KIF16B: variants seen among roughly 807,000 people sequenced by gnomAD.
KIF16B encodes kinesin-like protein KIF16B.
Under a neutral mutation model 156.3 loss-of-function variants are expected in KIF16B, and 98 were observed. The ratio of observed to expected loss-of-function variants is 0.63; its 90% CI spans 0.53 to 0.74. The LOEUF is 0.74. KIF16B is among the 30% of genes least tolerant of loss of function. The pLI is 0.00. For missense variants in KIF16B, 1,421 were observed against 1,606.5 expected (o/e 0.88, Z 1.97); for synonymous variants, 564 against 583.7 (o/e 0.97, Z 0.49).
intron 12 of KIF16B, among the ~76,000 whole-genome samples, chr20:16,455,356 C>T (rs548391642): frequency 1.3e-5 from 2 of 148,688 alleles, no homozygotes; most frequent in African/African-American, 2.6e-5. Flanking sequence ...AAACCCTCTG[C>T]TTATCTTAAA....
intron 1 of KIF16B, among the ~76,000 whole-genome samples, chr20:16,543,924 C>T (rs1047114794): frequency 6.6e-5 from 10 of 152,206 alleles, no homozygotes; most frequent in African/African-American, 2.4e-4. Flanking sequence ...GCGATCAATA[C>T]TTCAAAGCCA....
chr20:16,384,880 A>G (rs914641966), intron 17 of KIF16B, among the ~76,000 whole-genome samples: 1 of 152,076 alleles, frequency 6.6e-6, no homozygotes, highest in African/African-American at 2.4e-5. Flanking sequence ...AGTACCTGAC[A>G]CTGTGCTCAA....
chr20:16,410,194 C>CATATATGTAGGTACATAT (rs2065912669), intron 15 of KIF16B, among the ~76,000 whole-genome samples: 2 of 95,982 alleles, frequency 2.1e-5, no homozygotes, highest in African/African-American at 9.1e-5. Flanking sequence ...GGTACATATA[C>CATATATGTAGGTACATAT]ATATATGTAG....
chr20:16,548,862 C>T (rs2070516320), intron 1 of KIF16B, among the ~76,000 whole-genome samples: 1 of 152,042 alleles, frequency 6.6e-6, no homozygotes, highest in East Asian at 1.9e-4. Flanking sequence ...GCTTGTGGCA[C>T]AACGAGACGA....
chr20:16,379,466 G>C lies in KIF16B; in HGVS notation c.2536C>G (p.Gln846Glu). The C allele has an allele frequency of 6.2e-7, 1 of 1,613,936 alleles. No individual in the cohort carries two copies. Among genetic ancestry groups the C allele is most frequent in the Non-Finnish European group, 8.5e-7 (1 of 1,180,012 alleles). The change falls in exon 19 of 26, where the codon CAG becomes GAG. Residue 846 changes from glutamine (Q) to glutamate (E), a missense_variant. Coordinates refer to ENST00000354981, the MANE Select transcript of KIF16B (RefSeq NM_024704.5). Reference protein sequence around the residue: ...LVNLEKDLVQQKDILKKEVQE... With the variant: ...LVNLEKDLVQEKDILKKEVQE... ...ACTTCTTTTTTCAGGATGTCTTTCT[G>C]CTGAACCAGGTCCTTCTCCAAGTTC...
chr20:16,508,143 A>G (rs1354231851), intron 6 of KIF16B, 43 bp from the exon 7 acceptor site: 1 of 1,599,594 alleles, frequency 6.3e-7, no homozygotes, highest in Non-Finnish European at 8.6e-7. Flanking sequence ...CCCCTAATAT[A>G]TAGGAAATGG....
chr20:16,507,772 C>A (rs539220049), intron 7 of KIF16B, among the ~76,000 whole-genome samples, 186 bp downstream of exon 7: 1 of 152,226 alleles, frequency 6.6e-6, no homozygotes, highest in Non-Finnish European at 1.5e-5. Flanking sequence ...TTTCAAATTA[C>A]TGTGATTGTA....
At chr20:16,338,686 C>A (rs551109413) in intron 23 of KIF16B, among the ~76,000 whole-genome samples, 1 of 152,172 alleles carries the variant, frequency 6.6e-6, no homozygotes, top group Admixed American at 6.5e-5. Context: ...TCACTCCCTG[C>A]CTGCACCTGC....
At chr20:16,352,201 G>T (rs2064350960) in intron 23 of KIF16B, among the ~76,000 whole-genome samples, 1 of 152,194 alleles carries the variant, frequency 6.6e-6, no homozygotes, top group Non-Finnish European at 1.5e-5. Context: ...AGTTACACGG[G>T]TGTATACATA....
At chr20:16,331,588 C>T (rs542799107) in intron 24 of KIF16B, among the ~76,000 whole-genome samples, 6 of 152,318 alleles carry the variant, frequency 3.9e-5, no homozygotes, top group African/African-American at 1.4e-4. Context: ...TATCATCAAA[C>T]ATTTTGTTAC....
chr20:16,312,341 G>GA lies in KIF16B; in HGVS notation c.3788_3789insT (p.Glu1265ArgfsTer35), dbSNP rs779143209. 6.2e-7 allele frequency: 1 copy of GA among 1,612,046 alleles called. No homozygotes were observed. The highest frequency in any genetic ancestry group is 8.5e-7 in the Non-Finnish European group (1 of 1,178,488). The stretch of plus-strand genomic sequence containing the variant: ...AACAGCTTAATTCTGTTACCTCTAA[G>GA]TGACTTCGTCTCTCAGCAATCACAC... On this transcript the variant is annotated frameshift_variant, in exon 25 of 26. Transcript: ENST00000354981. LOFTEE classifies it high-confidence loss of function.
intron 17 of KIF16B, among the ~76,000 whole-genome samples, chr20:16,393,418 T>C (rs1215447567): frequency 6.6e-6 from 1 of 152,256 alleles, no homozygotes; most frequent in African/African-American, 2.4e-5. Context: ...CCAACAATGA[T>C]GACAATTAAC....
chr20:16,523,649 C>T (rs1337781874), intron 3 of KIF16B, among the ~76,000 whole-genome samples: 1 of 152,162 alleles, frequency 6.6e-6, no homozygotes, highest in Non-Finnish European at 1.5e-5. Flanking sequence ...CATCAAGCTA[C>T]CATTGACTTT....
intron 12 of KIF16B, among the ~76,000 whole-genome samples, chr20:16,456,829 T>C (rs906855232): frequency 6.6e-6 from 1 of 151,550 alleles, no homozygotes; most frequent in East Asian, 1.9e-4. Context: ...TTGCCATGTT[T>C]AGTGACCTAT....
At chr20:16,412,485 A>T (rs1440022516) in intron 15 of KIF16B, among the ~76,000 whole-genome samples, 1 of 152,168 alleles carries the variant, frequency 6.6e-6, no homozygotes, top group Non-Finnish European at 1.5e-5. Flanking sequence ...GGTAATTTAT[A>T]AAGTAAAGAG....
At chr20:16,438,944 T>C (rs1402670682) in intron 12 of KIF16B, among the ~76,000 whole-genome samples, 1 of 151,780 alleles carries the variant, frequency 6.6e-6, no homozygotes, top group Non-Finnish European at 1.5e-5. Context: ...CAAACAAAAA[T>C]AAAACAAAAC....
At chr20:16,462,913 C>T (rs2067386543) in intron 12 of KIF16B, among the ~76,000 whole-genome samples, 1 of 152,202 alleles carries the variant, frequency 6.6e-6, no homozygotes, top group Non-Finnish European at 1.5e-5. Context: ...AGTAAAGGAA[C>T]AAGCAACATG....
At chr20:16,374,713 G>A (rs551982962) in intron 19 of KIF16B, among the ~76,000 whole-genome samples, 2 of 152,306 alleles carry the variant, frequency 1.3e-5, no homozygotes, top group South Asian at 2.1e-4. Context: ...ATAGGATTCT[G>A]AGGCCTCTAA....
chr20:16,326,932 C>T (rs926554182), intron 24 of KIF16B, among the ~76,000 whole-genome samples: 1 of 151,134 alleles, frequency 6.6e-6, no homozygotes, highest in Admixed American at 6.6e-5. Context: ...AGCCCAAATG[C>T]CCATCAACCA....
Sources: allele counts gnomAD v4.1 joint callset (sites outside exome capture counted in the v4.1 genomes callset), GRCh38; gene constraint gnomAD v4.1.1; transcripts MANE v1.5; gene names NCBI Gene and HGNC (gene_info 2026-07-23, HGNC 2026-07-21).